The following TRIM33 variants were observed in gnomAD, a reference collection of about 807,000 sequenced individuals.
The protein encoded by TRIM33 is E3 ubiquitin-protein ligase TRIM33.
A neutral mutation model predicts 125.4 loss-of-function variants in TRIM33; 20 were observed. The observed-to-expected ratio is 0.16, with a 90% CI of 0.11 to 0.23. TRIM33 has a LOEUF of 0.23. TRIM33 is among the 10% of genes least tolerant of loss of function. The pLI is 1.00. For synonymous variants in TRIM33, 564 were observed against 513.9 expected, an observed-to-expected ratio of 1.10 and a Z score of -1.32; for missense variants, 920 against 1,411.4, an observed-to-expected ratio of 0.65 and a Z score of 5.58.
chr1:114,411,345 G>A (rs1652577069), intron 11 of TRIM33, among the ~76,000 whole-genome samples: 1 of 152,158 alleles, frequency 6.6e-6, no homozygotes, highest in African/African-American at 2.4e-5. Context: ...CCATGCCAGA[G>A]ACATGAAGGG....
intron 1 of TRIM33, among the ~76,000 whole-genome samples, chr1:114,487,161 A>T (rs1557896188): frequency 6.6e-6 from 1 of 151,978 alleles, no homozygotes; most frequent in African/African-American, 2.4e-5. Flanking sequence ...ATAAACCTAC[A>T]TATAAAAAAA....
At chr1:114,502,774 T>C (rs898366354) in intron 1 of TRIM33, among the ~76,000 whole-genome samples, 5 of 152,200 alleles carry the variant, frequency 3.3e-5, no homozygotes, top group African/African-American at 1.2e-4. Context: ...TCGAAAGTGC[T>C]GGGATTATAG....
chr1:114,426,507 CTTTT>C (rs371040415), intron 8 of TRIM33, among the ~76,000 whole-genome samples: 1 of 140,462 alleles, frequency 7.1e-6, no homozygotes, highest in Non-Finnish European at 1.6e-5. Context: ...GCAAAGATTA[CTTTT>C]TTTTTTTTTT....
chr1:114,467,367 A>G (rs1171318886), intron 1 of TRIM33, among the ~76,000 whole-genome samples: 1 of 152,214 alleles, frequency 6.6e-6, no homozygotes, highest in Non-Finnish European at 1.5e-5. Flanking sequence ...TGTTTTAGCC[A>G]GAAATGTAAT....
rs1651532782 is a variant in TRIM33, at chr1:114,396,115, G to C, written c.*1533C>G. On this transcript the variant is annotated 3_prime_UTR_variant, in exon 20 of 20. Coordinates refer to ENST00000358465, the MANE Select transcript of TRIM33 (RefSeq NM_015906.4). ...ATCTAACAGCAAATTCTTCTATTTT[G>C]GTCTCTGAATATTCTAATGTGTCCA... 5.0e-6 allele frequency: 1 copy of C among 200,548 alleles called. No homozygotes were observed. Among genetic ancestry groups the C allele is most frequent in the Non-Finnish European group, 1.0e-5 (1 of 97,188 alleles). 12.4% of individuals were successfully genotyped at this position (200,548 alleles called of 1,614,324 possible). A position where few individuals can be genotyped will look rare whatever the true frequency, so the allele number is the denominator to read the frequency against.
chr1:114,463,721 T>A (rs1650125950), intron 2 of TRIM33, among the ~76,000 whole-genome samples, 165 bp from the exon 3 acceptor site: 1 of 151,764 alleles, frequency 6.6e-6, no homozygotes, highest in Non-Finnish European at 1.5e-5. Context: ...ATCATTCATG[T>A]AGGTAAAAAT....
chr1:114,441,946 A>G (rs1648681192), intron 4 of TRIM33, among the ~76,000 whole-genome samples: 1 of 152,246 alleles, frequency 6.6e-6, no homozygotes, highest in South Asian at 2.1e-4. Context: ...AAACTATAAT[A>G]TGAAAATTAA....
intron 1 of TRIM33, among the ~76,000 whole-genome samples, chr1:114,474,575 A>AT (rs1228712708): frequency 6.0e-5 from 6 of 100,454 alleles, no homozygotes; most frequent in African/African-American, 1.4e-4. Flanking sequence ...CCTTGTCTCT[A>AT]TTTAAAAAAA....
chr1:114,502,506 A>G lies in TRIM33; in HGVS notation c.526+8045T>C, dbSNP rs907870859. ...AAAATGTTAAAATGACGTTTACTTTATTACTAGTTTTGTTTGTTTTCTCAG... is the reference window on the plus strand; with the variant it reads ...AAAATGTTAAAATGACGTTTACTTTGTTACTAGTTTTGTTTGTTTTCTCAG... On this transcript the variant is annotated intron_variant, in intron 1 of 19. Coordinates refer to ENST00000358465, the MANE Select transcript of TRIM33 (RefSeq NM_015906.4). 3.9e-5 allele frequency among the ~76,000 whole-genome samples: 6 copies of G among 152,300 alleles called. No homozygotes were observed. In the East Asian group the frequency reaches 1.2e-3, roughly 29 times the overall value.
chr1:114,486,546 CAAAAAAA>C (rs372795084), intron 1 of TRIM33, among the ~76,000 whole-genome samples: 1 of 65,270 alleles, frequency 1.5e-5, no homozygotes, highest in Non-Finnish European at 3.1e-5. Flanking sequence ...GACCCTATCT[CAAAAAAA>C]AAAAAAAAAA....
At chr1:114,480,170 T>C (rs1403379372) in intron 1 of TRIM33, among the ~76,000 whole-genome samples, 2 of 152,304 alleles carry the variant, frequency 1.3e-5, no homozygotes, top group East Asian at 3.9e-4. Flanking sequence ...TGTTGATCTA[T>C]GACCTTGCCC....
At chr1:114,479,910 C>T (rs1366490253) in intron 1 of TRIM33, among the ~76,000 whole-genome samples, 1 of 135,910 alleles carries the variant, frequency 7.4e-6, no homozygotes. Flanking sequence ...GGTGGGGGCG[C>T]CTCTGCCCGG....
Position 114,459,400 on chromosome 1 carries a change from T to C in TRIM33, c.923+3704A>G, listed in dbSNP as rs78495359. ...AGGATAAGGCATCCACCACAGAGTG[T>C]TGTGGAAACTCTGTACCCCTTCCCA... On this transcript the variant is annotated intron_variant, in intron 4 of 19. Transcript: ENST00000358465. Among the ~76,000 whole-genome samples the C allele has an allele frequency of 5.6e-3, 852 of 152,288 alleles. 7 individuals carry two copies. Among genetic ancestry groups the C allele is most frequent in the African/African-American group, 0.019 (794 of 41,542 alleles).
At position 114,397,480 on chromosome 1, in the gene TRIM33, GTCCATTATTTCAAT is replaced by G. The variant is rs1271938516; in HGVS notation, c.*154_*167del. 1.8e-6 allele frequency: 1 copy of G among 562,514 alleles called. No homozygotes were observed. The highest frequency in any genetic ancestry group is 2.9e-5 in the East Asian group (1 of 34,994). The allele number at this position is 562,514 out of a possible 1,614,324, so 34.8% of individuals were successfully genotyped here. A position where few individuals can be genotyped will look rare whatever the true frequency, so the allele number is the denominator to read the frequency against. On this transcript the variant is annotated 3_prime_UTR_variant, in exon 20 of 20. Coordinates refer to ENST00000358465, the MANE Select transcript of TRIM33 (RefSeq NM_015906.4). ...CCTTTCTTGACAAGAATGTGTTTCT[GTCCATTATTTCAAT>G]CTAATACTGTGTAAAAGCTATCAGC...
intron 10 of TRIM33, among the ~76,000 whole-genome samples, chr1:114,423,606 C>A (rs1450738326): frequency 6.6e-6 from 1 of 151,346 alleles, no homozygotes; most frequent in African/African-American, 2.4e-5. Context: ...TGCTATGTTG[C>A]CCAGGCTGGT....
intron 19 of TRIM33, 21 bp downstream of exon 19, chr1:114,397,919 T>C (rs895436037): frequency 1.9e-6 from 3 of 1,613,996 alleles, no homozygotes; most frequent in South Asian, 2.2e-5. Context: ...TCACCAAGTT[T>C]GCATGGTCTG....
chr1:114,429,939 G>A (rs966725099), intron 6 of TRIM33, among the ~76,000 whole-genome samples: 1 of 152,000 alleles, frequency 6.6e-6, no homozygotes, highest in Non-Finnish European at 1.5e-5. Flanking sequence ...TTCATGAACT[G>A]ACTAGATTTT....
chr1:114,477,585 A>G (rs79107566), intron 1 of TRIM33, among the ~76,000 whole-genome samples: 2,211 of 152,348 alleles, frequency 0.015, 29 homozygotes, highest in South Asian at 0.041. Flanking sequence ...ATGTTTATAC[A>G]TATAAAATGT....
At chr1:114,415,895 T>G (rs995047776) in intron 11 of TRIM33, among the ~76,000 whole-genome samples, 1 of 139,784 alleles carries the variant, frequency 7.2e-6, no homozygotes, top group Non-Finnish European at 1.5e-5. Context: ...GAGGCTGCAA[T>G]GAGCCAAGAC....
Sources: gnomAD v4.1 joint callset for allele counts (sites outside exome capture counted in the v4.1 genomes callset) on GRCh38, gnomAD v4.1.1 for gene constraint, MANE v1.5 for transcripts, NCBI Gene and HGNC (gene_info 2026-07-23, HGNC 2026-07-21) for gene names.